ST8SIA4: variants seen among roughly 807,000 people sequenced by gnomAD.
ST8SIA4 encodes the protein CMP-N-acetylneuraminate-poly-alpha-2,8-sialyltransferase.
ST8SIA4 carries 15 observed loss-of-function variants against 33.9 expected under a neutral mutation model. The observed-to-expected ratio is 0.44, with a 90% CI of 0.30 to 0.68. The LOEUF is 0.68. Ranked by LOEUF, ST8SIA4 falls within the 30% of genes least tolerant of loss-of-function variation. The pLI, the probability that ST8SIA4 is intolerant of heterozygous loss-of-function variation, is 0.10. For synonymous variants in ST8SIA4, 171 were observed against 151.2 expected (o/e 1.13, Z -0.96); for missense variants, 321 against 428.0 (o/e 0.75, Z 2.21).
intron 4 of ST8SIA4, among the ~76,000 whole-genome samples, chr5:100,848,835 T>C (rs908569506): frequency 6.6e-6 from 1 of 150,690 alleles, no homozygotes; most frequent in African/African-American, 2.4e-5. Flanking sequence ...CTATTCTTTT[T>C]ATATAATATT....
rs1386823311 is a variant in ST8SIA4 at position 100,816,643 on chromosome 5, C to A, written c.798-4514G>T. On this transcript the variant is annotated intron_variant, in intron 4 of 4. Transcript: ENST00000231461. ...ACAATTTCTAGAAGAATTTGAATAT[C>A]AAGGATGGAATCTCACTGTGCCAAC... The A allele has an allele frequency of 1.2e-5, 6 of 500,064 alleles. No homozygotes were observed. In the African/African-American group the frequency reaches 1.2e-4, roughly 10 times the overall value. The allele number at this position is 500,064 out of a possible 1,614,324, so 31.0% of individuals were successfully genotyped here.
At chr5:100,884,899 TAAG>T (rs1752503973) in intron 3 of ST8SIA4, among the ~76,000 whole-genome samples, 1 of 152,172 alleles carries the variant, frequency 6.6e-6, no homozygotes, top group Non-Finnish European at 1.5e-5. Flanking sequence ...GACACAGAAA[TAAG>T]AAGTCATTTA....
intron 4 of ST8SIA4, among the ~76,000 whole-genome samples, chr5:100,822,749 T>G (rs1751054364): frequency 6.6e-6 from 1 of 152,134 alleles, no homozygotes; most frequent in African/African-American, 2.4e-5. Context: ...CTGGGCTACA[T>G]TCCAGACGAT....
chr5:100,820,794 C>T (rs903220874), intron 4 of ST8SIA4, among the ~76,000 whole-genome samples: 1 of 152,036 alleles, frequency 6.6e-6, no homozygotes, highest in Non-Finnish European at 1.5e-5. Flanking sequence ...TAAAAATAAG[C>T]ATCATATAAT....
chr5:100,870,361 G>A (rs946972791), intron 3 of ST8SIA4, among the ~76,000 whole-genome samples: 6 of 151,920 alleles, frequency 3.9e-5, no homozygotes, highest in Admixed American at 6.6e-5. Context: ...ATTCCTCTTC[G>A]TCACATGTTG....
At chr5:100,824,607 A>G (rs182358812) in intron 4 of ST8SIA4, among the ~76,000 whole-genome samples, 79 of 152,282 alleles carry the variant, frequency 5.2e-4, no homozygotes, top group African/African-American at 1.9e-3. Context: ...CTCAGGAACT[A>G]AGGAACTCTG....
intron 2 of ST8SIA4, chr5:100,890,628 G>A (rs888018543): frequency 4.6e-5 from 7 of 151,752 alleles, no homozygotes; most frequent in African/African-American, 1.7e-4. Flanking sequence ...CAAAGCAAGG[G>A]GTTGTGTTTT....
At chr5:100,849,553 G>A (rs766635028) in intron 4 of ST8SIA4, 4 of 672,326 alleles carry the variant, frequency 5.9e-6, no homozygotes, top group Non-Finnish European at 7.3e-6. Flanking sequence ...AGGCTAAGGC[G>A]GATGGATCAC....
At chr5:100,859,210 T>C (rs950942057) in intron 3 of ST8SIA4, among the ~76,000 whole-genome samples, 1 of 152,116 alleles carries the variant, frequency 6.6e-6, no homozygotes, top group Non-Finnish European at 1.5e-5. Flanking sequence ...ATGAATATAT[T>C]TGCCATCACA....
chr5:100,841,352 A>G (rs895396784), intron 4 of ST8SIA4, among the ~76,000 whole-genome samples: 1 of 151,918 alleles, frequency 6.6e-6, no homozygotes, highest in Admixed American at 6.6e-5. Flanking sequence ...ATTATGCAGT[A>G]TATTGCTGAG....
intron 3 of ST8SIA4, among the ~76,000 whole-genome samples, chr5:100,882,540 A>C (rs962091334): frequency 6.6e-6 from 1 of 152,252 alleles, no homozygotes; most frequent in African/African-American, 2.4e-5. Flanking sequence ...AATTTTTCAT[A>C]AGTAACAAGG....
At chr5:100,880,764 C>G (rs1752402712) in intron 3 of ST8SIA4, among the ~76,000 whole-genome samples, 1 of 152,192 alleles carries the variant, frequency 6.6e-6, no homozygotes, top group South Asian at 2.1e-4. Flanking sequence ...AAGGTAATAT[C>G]TATAGAATTT....
In ST8SIA4 at chr5:100,842,574, T is replaced by C. The variant is rs55703638; in HGVS notation, c.797+13529A>G. On this transcript the variant is annotated intron_variant, in intron 4 of 4. Coordinates refer to ENST00000231461, the MANE Select transcript of ST8SIA4 (RefSeq NM_005668.6). ...AGATAGGGGCTATTAACATTTATAA[T>C]GACTGTACAATTCTTTCAAGCAGTA... Among the ~76,000 whole-genome samples, 307 of 151,984 alleles carry C rather than the reference T, an allele frequency of 2.0e-3. 2 individuals carry two copies. Among genetic ancestry groups the C allele is most frequent in the African/African-American group, 6.8e-3 (283 of 41,534 alleles).
intron 3 of ST8SIA4, chr5:100,886,063 T>G: frequency 1.7e-6 from 2 of 1,146,904 alleles, no homozygotes; most frequent in Non-Finnish European, 2.1e-6. Flanking sequence ...TGTGGAATAT[T>G]AAATTTAATA....
intron 3 of ST8SIA4, among the ~76,000 whole-genome samples, chr5:100,878,356 C>G (rs1580477839): frequency 6.6e-6 from 1 of 151,858 alleles, no homozygotes; most frequent in Admixed American, 6.6e-5. Flanking sequence ...TTTGTATTTT[C>G]AGTAGAGATG....
At chr5:100,849,578 C>A in intron 4 of ST8SIA4, 2 of 400,340 alleles carry the variant, frequency 5.0e-6, no homozygotes, top group Non-Finnish European at 6.8e-6. Context: ...GGTTGCAGTT[C>A]GAGAGCAGCC....
intron 2 of ST8SIA4, among the ~76,000 whole-genome samples, chr5:100,887,086 CTT>C: frequency 6.6e-6 from 1 of 151,994 alleles, no homozygotes; most frequent in Admixed American, 6.6e-5. Flanking sequence ...ACTTCTCAAA[CTT>C]ATATACATTT....
At chr5:100,823,586 C>T (rs10052474) in intron 4 of ST8SIA4, among the ~76,000 whole-genome samples, 42,577 of 152,082 alleles carry the variant, frequency 0.28, 6,204 homozygotes, top group Non-Finnish European at 0.32. Flanking sequence ...TAACTCTTAT[C>T]TTTGTTTATA....
chr5:100,836,937 T>C (rs1322103412), intron 4 of ST8SIA4, among the ~76,000 whole-genome samples: 1 of 151,764 alleles, frequency 6.6e-6, no homozygotes, highest in Non-Finnish European at 1.5e-5. Flanking sequence ...CTTATCGCTA[T>C]TGACTTTACA....
Sources: allele counts gnomAD v4.1 joint callset (sites outside exome capture counted in the v4.1 genomes callset), GRCh38; gene constraint gnomAD v4.1.1; transcripts MANE v1.5; gene names NCBI Gene and HGNC (gene_info 2026-07-23, HGNC 2026-07-21).